IMMP2L: variants seen among roughly 807,000 people sequenced by gnomAD.
IMMP2L encodes mitochondrial inner membrane protease subunit 2.
A neutral mutation model predicts 19.3 loss-of-function variants in IMMP2L; 18 were observed. That is an observed-to-expected ratio of 0.93 (90% CI 0.64 to 1.38). The LOEUF (loss-of-function observed/expected upper bound fraction) is 1.38. Ranked by LOEUF, IMMP2L falls within the 40% of genes most tolerant of loss-of-function variation. IMMP2L has a pLI of 0.00. For synonymous variants in IMMP2L, 76 were observed against 73.0 expected (o/e 1.04, Z -0.21); for missense variants, 233 against 218.2 (o/e 1.07, Z -0.43).
At chr7:111,548,215 A>AT (rs1849116913) in intron 1 of IMMP2L, among the ~76,000 whole-genome samples, 1 of 46,624 alleles carries the variant, frequency 2.1e-5, no homozygotes, top group Non-Finnish European at 7.0e-5. Context: ...TGTGCTTGCT[A>AT]CAAAAAAAAA....
chr7:111,452,207 C>T (rs1321418057), intron 3 of IMMP2L, among the ~76,000 whole-genome samples: 2 of 152,132 alleles, frequency 1.3e-5, no homozygotes, highest in South Asian at 2.1e-4. Flanking sequence ...CATGACTATA[C>T]ATATGCATCA....
intron 3 of IMMP2L, among the ~76,000 whole-genome samples, chr7:110,984,159 T>G (rs1485816614): frequency 6.6e-6 from 1 of 151,974 alleles, no homozygotes; most frequent in Non-Finnish European, 1.5e-5. Context: ...TCATATATGG[T>G]CCCATATACT....
chr7:110,939,437 A>G (rs1816490636), intron 4 of IMMP2L, among the ~76,000 whole-genome samples: 1 of 151,702 alleles, frequency 6.6e-6, no homozygotes, highest in Non-Finnish European at 1.5e-5. Flanking sequence ...AAGCGAGTAC[A>G]CAGGGAATAA....
At chr7:111,410,882 A>T (rs1834347554) in intron 3 of IMMP2L, among the ~76,000 whole-genome samples, 1 of 151,672 alleles carries the variant, frequency 6.6e-6, no homozygotes, top group African/African-American at 2.4e-5. Context: ...AAAAATAAAC[A>T]GTCTTGGTAA....
intron 5 of IMMP2L, among the ~76,000 whole-genome samples, chr7:110,862,191 T>G (rs1205714547): frequency 6.6e-6 from 1 of 151,898 alleles, no homozygotes; most frequent in Non-Finnish European, 1.5e-5. Context: ...CAGAATGTCT[T>G]TAGAGAAGAC....
intron 3 of IMMP2L, among the ~76,000 whole-genome samples, chr7:111,183,521 G>C (rs1053369014): frequency 2.0e-5 from 3 of 152,024 alleles, no homozygotes; most frequent in East Asian, 3.9e-4. Context: ...TATCATTTCA[G>C]ATCTTACACT....
intron 3 of IMMP2L, among the ~76,000 whole-genome samples, chr7:111,387,381 G>T (rs544965667): frequency 6.6e-6 from 1 of 152,098 alleles, no homozygotes; most frequent in South Asian, 2.1e-4. Flanking sequence ...AGAACACTTT[G>T]TTACTTGAAA....
chr7:111,191,270 CA>C, intron 3 of IMMP2L, among the ~76,000 whole-genome samples: 1 of 151,920 alleles, frequency 6.6e-6, no homozygotes, highest in East Asian at 1.9e-4. Flanking sequence ...AAAACCCAGG[CA>C]AAAGTCTAGA....
intron 5 of IMMP2L, among the ~76,000 whole-genome samples, chr7:110,790,371 AT>A (rs561485737): frequency 4.6e-4 from 70 of 151,866 alleles, no homozygotes; most frequent in African/African-American, 1.6e-3. Flanking sequence ...TCTGAGTGGC[AT>A]TTTTAAAAGA....
At chr7:110,664,039 A>C (rs1791251991) in intron 5 of IMMP2L, among the ~76,000 whole-genome samples, 1 of 152,150 alleles carries the variant, frequency 6.6e-6, no homozygotes, top group South Asian at 2.1e-4. Context: ...ATTTGCCAAA[A>C]TTCATACAGC....
intron 5 of IMMP2L, among the ~76,000 whole-genome samples, chr7:110,686,976 T>C (rs551830665): frequency 2.6e-5 from 4 of 152,254 alleles, no homozygotes; most frequent in East Asian, 3.9e-4. Flanking sequence ...CACAGTATTA[T>C]GCCCATCTGT....
At chr7:110,947,224 C>T (rs1048334507) in intron 4 of IMMP2L, among the ~76,000 whole-genome samples, 8 of 152,242 alleles carry the variant, frequency 5.3e-5, no homozygotes, top group South Asian at 2.1e-4. Context: ...GTGAAATTTT[C>T]GTACATCGCT....
chr7:111,516,884 G>A (rs566645589), intron 2 of IMMP2L, among the ~76,000 whole-genome samples: 17 of 152,140 alleles, frequency 1.1e-4, no homozygotes, highest in Non-Finnish European at 2.2e-4. Flanking sequence ...GGTGAGTGAC[G>A]ACACAGAGAA....
intron 3 of IMMP2L, among the ~76,000 whole-genome samples, chr7:111,400,305 A>G (rs1833298409): frequency 6.6e-6 from 1 of 152,214 alleles, no homozygotes; most frequent in East Asian, 1.9e-4. Flanking sequence ...AACGATTGCA[A>G]CAGTGAATAA....
intron 5 of IMMP2L, among the ~76,000 whole-genome samples, chr7:110,837,923 G>T (rs571854310): frequency 4.7e-4 from 72 of 152,232 alleles, no homozygotes; most frequent in South Asian, 4.4e-3. Flanking sequence ...ATATGTTGGG[G>T]ATGGCTCTAT....
At chr7:111,243,083 C>A (rs975792063) in intron 3 of IMMP2L, among the ~76,000 whole-genome samples, 27 of 151,978 alleles carry the variant, frequency 1.8e-4, no homozygotes, top group Non-Finnish European at 1.3e-4. Context: ...GTTACTAAAA[C>A]AAAATTCTTA....
chr7:111,207,974 C>A (rs1332788229), intron 3 of IMMP2L, among the ~76,000 whole-genome samples: 1 of 152,100 alleles, frequency 6.6e-6, no homozygotes, highest in African/African-American at 2.4e-5. Context: ...CATTATATTG[C>A]CCATCATTTC....
Position 110,897,138 on chromosome 7 carries a change from A to G in IMMP2L, c.306-10443T>C, listed in dbSNP as rs142656118. Among the ~76,000 whole-genome samples the G allele has an allele frequency of 2.3e-4, 35 of 152,304 alleles. No homozygotes were observed. The East Asian group carries it at 6.2e-3, about 27-fold the overall frequency. Reference sequence around the variant, plus strand: ...GAAAGCCTTTTAAAGTAAGATTAAAAAGCAAAAGGTATGCTGTAAAATAAC... The same window carrying G: ...GAAAGCCTTTTAAAGTAAGATTAAAGAGCAAAAGGTATGCTGTAAAATAAC... On this transcript the variant is annotated intron_variant, in intron 4 of 5. Transcript: ENST00000405709.
intron 3 of IMMP2L, among the ~76,000 whole-genome samples, chr7:111,132,870 T>A (rs556954468): frequency 6.6e-6 from 1 of 151,988 alleles, no homozygotes; most frequent in Non-Finnish European, 1.5e-5. Context: ...CTTAGGTTAA[T>A]GAGATTCTAT....
Sources: gnomAD v4.1 joint callset for allele counts (sites outside exome capture counted in the v4.1 genomes callset) on GRCh38, gnomAD v4.1.1 for gene constraint, MANE v1.5 for transcripts, NCBI Gene and HGNC (gene_info 2026-07-23, HGNC 2026-07-21) for gene names.